The following PPP1R16B variants were observed in gnomAD, a reference collection of about 807,000 sequenced individuals.
PPP1R16B encodes protein phosphatase 1 regulatory inhibitor subunit 16B.
PPP1R16B carries 14 observed loss-of-function variants against 61.7 expected under a neutral mutation model. The observed-to-expected ratio is 0.23, with a 90% CI of 0.15 to 0.35. PPP1R16B has a LOEUF of 0.35. Ranked by LOEUF, PPP1R16B falls within the 10% of genes least tolerant of loss-of-function variation. PPP1R16B has a pLI of 1.00. For synonymous variants in PPP1R16B, 266 were observed against 305.3 expected (o/e 0.87, Z 1.34); for missense variants, 547 against 752.5 (o/e 0.73, Z 3.19).
chr20:38,843,739 T>C (rs2084922134), intron 2 of PPP1R16B, among the ~76,000 whole-genome samples: 1 of 152,120 alleles, frequency 6.6e-6, no homozygotes, highest in Non-Finnish European at 1.5e-5. Context: ...AACATAAATA[T>C]TTTTATGAAA....
intron 2 of PPP1R16B, 112 bp from the exon 3 acceptor site, chr20:38,889,483 T>G: frequency 1.1e-6 from 1 of 901,864 alleles, no homozygotes; most frequent in Non-Finnish European, 1.8e-6. Flanking sequence ...AAATGGGGAG[T>G]TGTTACTACA....
intron 1 of PPP1R16B, among the ~76,000 whole-genome samples, chr20:38,833,833 A>G (rs1027385810): frequency 2.6e-5 from 4 of 152,182 alleles, no homozygotes; most frequent in Non-Finnish European, 4.4e-5. Context: ...ATGAAGAACG[A>G]TCTGGATCTG....
chr20:38,849,109 G>A (rs2084951981), intron 2 of PPP1R16B, among the ~76,000 whole-genome samples: 1 of 152,046 alleles, frequency 6.6e-6, no homozygotes, highest in South Asian at 2.1e-4. Flanking sequence ...TTTTTTGTTT[G>A]TTTGTTTGTT....
chr20:38,869,677 T>C (rs1275695678), intron 2 of PPP1R16B, among the ~76,000 whole-genome samples: 1 of 152,192 alleles, frequency 6.6e-6, no homozygotes, highest in Non-Finnish European at 1.5e-5. Flanking sequence ...TCACATAGTA[T>C]GGACCCTGTG....
chr20:38,918,091 A>G lies in PPP1R16B; in HGVS notation c.1195-66A>G. On this transcript the variant is annotated intron_variant, in intron 10 of 10. Transcript: ENST00000299824. This position sits in a 1 kb window ranked among gnomAD's most constrained non-coding sequence, Gnocchi z 5.3. ...GTCCAAACAATAATGCCCTCAGCAGAGAGACAGGTGGATAGTAGGTTCAGA... is the reference window on the plus strand; with the variant it reads ...GTCCAAACAATAATGCCCTCAGCAGGGAGACAGGTGGATAGTAGGTTCAGA... The G allele has an allele frequency of 1.3e-6, 2 of 1,573,888 alleles. No individual in the cohort carries two copies. The highest frequency in any genetic ancestry group is 1.7e-6 in the Non-Finnish European group (2 of 1,152,658).
chr20:38,887,788 C>T (rs973054869), intron 2 of PPP1R16B, among the ~76,000 whole-genome samples: 2 of 152,242 alleles, frequency 1.3e-5, no homozygotes, highest in Non-Finnish European at 2.9e-5. Context: ...GCATACTGGG[C>T]AGGTCTACTG....
chr20:38,908,225 G>GCCACTGCAATGGGAGGAGAACAGGGC (rs1158214250), intron 10 of PPP1R16B, 32 bp downstream of exon 10: 3 of 1,612,318 alleles, frequency 1.9e-6, no homozygotes, highest in Non-Finnish European at 2.5e-6. Flanking sequence ...CCTAGTGTCA[G>GCCACTGCAATGGGAGGAGAACAGGGC]CCACTGCAAT....
rs1421333174 is a variant in PPP1R16B, at chr20:38,921,904, T to G, written c.*3238T>G. The G allele has an allele frequency of 6.6e-6, 1 of 152,154 alleles. No homozygotes were observed. 9.4% of individuals were successfully genotyped at this position (152,154 alleles called of 1,614,324 possible). ...TGCCTCCCTCCATGGCAGGGGTGGA[T>G]TCGGGAGCTGGGAGTAACCAGGCAA... On this transcript the variant is annotated 3_prime_UTR_variant, in exon 11 of 11. Coordinates refer to ENST00000299824, the MANE Select transcript of PPP1R16B (RefSeq NM_015568.4).
rs964781013 is a variant in PPP1R16B, at chr20:38,835,878, G to C, written c.-48G>C. The C allele has an allele frequency of 3.4e-6, 5 of 1,484,292 alleles. No homozygotes were observed. The African/African-American group carries it at 7.0e-5, about 21-fold the overall frequency. 91.9% of individuals were successfully genotyped at this position (1,484,292 alleles called of 1,614,324 possible). A position where few individuals can be genotyped will look rare whatever the true frequency, so the allele number is the denominator to read the frequency against. Reference sequence around the variant, plus strand: ...GAGGCCCCGCGCTGCCCTGGCCCCCGGTGCACCGTGCTAGCCCCCAGCCAG... The same window carrying C: ...GAGGCCCCGCGCTGCCCTGGCCCCCCGTGCACCGTGCTAGCCCCCAGCCAG... On this transcript the variant is annotated 5_prime_UTR_variant, in exon 2 of 11. Coordinates refer to ENST00000299824, the MANE Select transcript of PPP1R16B (RefSeq NM_015568.4).
chr20:38,921,254 G>C lies in PPP1R16B; in HGVS notation c.*2588G>C, dbSNP rs1448793582. 6.6e-6 allele frequency: 1 copy of C among 152,232 alleles called. No individual in the cohort carries two copies. Among genetic ancestry groups the C allele is most frequent in the African/African-American group, 2.4e-5 (1 of 41,464 alleles). The allele number at this position is 152,232 out of a possible 1,614,324, so 9.4% of individuals were successfully genotyped here. A position where few individuals can be genotyped will look rare whatever the true frequency, so the allele number is the denominator to read the frequency against. On this transcript the variant is annotated 3_prime_UTR_variant, in exon 11 of 11. Transcript: ENST00000299824. ...GGAGCTTTCCCTGTAGGTCTCCTGG[G>C]TGTTGAGAGACAAGTTGGAGACCAA...
intron 2 of PPP1R16B, among the ~76,000 whole-genome samples, chr20:38,847,868 T>C (rs2084944883): frequency 6.6e-6 from 1 of 152,208 alleles, no homozygotes; most frequent in African/African-American, 2.4e-5. Context: ...TTATAGTAAT[T>C]TTTTATGCTT....
At chr20:38,897,753 C>T (rs933635231) in intron 4 of PPP1R16B, among the ~76,000 whole-genome samples, 3 of 152,226 alleles carry the variant, frequency 2.0e-5, no homozygotes, top group Admixed American at 2.0e-4. Flanking sequence ...CTCACCAACA[C>T]TTGCTATTTT....
At chr20:38,827,389 A>G (rs1051614218) in intron 1 of PPP1R16B, among the ~76,000 whole-genome samples, 4 of 151,992 alleles carry the variant, frequency 2.6e-5, no homozygotes, top group Admixed American at 2.6e-4. Flanking sequence ...TTGTTTCATC[A>G]CTCTTTGTTC....
Position 38,820,415 on chromosome 20 carries a change from G to T in PPP1R16B, c.-102+14623G>T, listed in dbSNP as rs866771037. Among the ~76,000 whole-genome samples, 49 of 152,132 alleles carry T rather than the reference G, an allele frequency of 3.2e-4. No individual in the cohort carries two copies. In the South Asian group the frequency reaches 3.5e-3, roughly 11 times the overall value. ...CTCTACTAAAAATACAAAATTAGCCGGGTGTGGTGGCACATGCCTGTAATC... is the reference window on the plus strand; with the variant it reads ...CTCTACTAAAAATACAAAATTAGCCTGGTGTGGTGGCACATGCCTGTAATC... On this transcript the variant is annotated intron_variant, in intron 1 of 10. Transcript: ENST00000299824.
At chr20:38,845,146 T>C (rs2145725535) in intron 2 of PPP1R16B, among the ~76,000 whole-genome samples, 1 of 152,220 alleles carries the variant, frequency 6.6e-6, no homozygotes, top group African/African-American at 2.4e-5. Context: ...AGGAAGCCTT[T>C]GATGTAGTGC....
chr20:38,895,983 C>CT (rs1259179291), intron 4 of PPP1R16B, among the ~76,000 whole-genome samples: 1 of 122,296 alleles, frequency 8.2e-6, no homozygotes, highest in African/African-American at 3.6e-5. Flanking sequence ...TCCCTCCCTC[C>CT]TTCCTTCTTT....
At chr20:38,888,588 C>T (rs1459207117) in intron 2 of PPP1R16B, among the ~76,000 whole-genome samples, 1 of 152,132 alleles carries the variant, frequency 6.6e-6, no homozygotes, top group Non-Finnish European at 1.5e-5. Context: ...CTGGACTCCT[C>T]ATCCACGGGG....
intron 2 of PPP1R16B, among the ~76,000 whole-genome samples, chr20:38,860,486 G>A (rs1332048629): frequency 1.3e-5 from 2 of 152,218 alleles, no homozygotes; most frequent in South Asian, 2.1e-4. Flanking sequence ...GCCACACATG[G>A]CTCGTAGTCA....
At chr20:38,864,278 A>T (rs1455480787) in intron 2 of PPP1R16B, among the ~76,000 whole-genome samples, 1 of 152,214 alleles carries the variant, frequency 6.6e-6, no homozygotes, top group Non-Finnish European at 1.5e-5. Flanking sequence ...TGATGATTGT[A>T]CAACTTTGAA....
Sources: gnomAD v4.1 joint callset for allele counts (sites outside exome capture counted in the v4.1 genomes callset) on GRCh38, gnomAD v4.1.1 for gene constraint, Gnocchi (gnomAD v3.1) non-coding constraint, MANE v1.5 for transcripts, NCBI Gene and HGNC (gene_info 2026-07-23, HGNC 2026-07-21) for gene names.